The following MNDA variants were observed in gnomAD, a reference collection of about 807,000 sequenced individuals.
MNDA encodes myeloid cell nuclear differentiation antigen.
A neutral mutation model predicts 37.8 loss-of-function variants in MNDA; 43 were observed. The ratio of observed to expected loss-of-function variants is 1.14; its 90% confidence interval spans 0.89 to 1.47. The LOEUF (loss-of-function observed/expected upper bound fraction) is 1.47. Among genes scored for constraint, MNDA ranks in the 40% most tolerant of loss-of-function variants. MNDA has a pLI of 0.00. For synonymous variants in MNDA, 181 were observed against 169.0 expected, an observed-to-expected ratio of 1.07 and a Z score of -0.55; for missense variants, 536 against 476.0, an observed-to-expected ratio of 1.13 and a Z score of -1.17.
chr1:158,845,633 T>C lies in MNDA; in HGVS notation c.617T>C (p.Val206Ala). ...CGGCAGGTGGATGCAAGAAGAAATG[T>C]TCCCCAAAACGACCCAGTGACAGTG... ...AQRQVDARRN[V>A]PQNDPVTVVV... Residue 206 changes from valine to alanine, a missense_variant, in exon 5 of 7, where the codon GTT (valine) becomes GCT (alanine). By Grantham distance (64) the Val-to-Ala change is moderately conservative. Transcript: ENST00000368141. The C allele has an allele frequency of 6.2e-7, 1 of 1,613,724 alleles. No individual in the cohort carries two copies. The highest frequency in any genetic ancestry group is 8.5e-7 in the Non-Finnish European group (1 of 1,179,808).
intron 1 of MNDA, among the ~76,000 whole-genome samples, chr1:158,840,070 T>A (rs1002721678): frequency 5.9e-5 from 9 of 152,160 alleles, no homozygotes; most frequent in Admixed American, 5.9e-4. Context: ...TAGGGGGGGA[T>A]TTTAGAAAGA....
chr1:158,843,139 G>T (rs1659064673), intron 2 of MNDA, 140 bp from the exon 3 acceptor site: 13 of 1,033,218 alleles, frequency 1.3e-5, no homozygotes, highest in Non-Finnish European at 1.7e-5. Context: ...AGCCAGGCTG[G>T]GTTAATGCAG....
intron 4 of MNDA, 127 bp downstream of exon 4, chr1:158,844,249 A>G (rs1254926410): frequency 3.0e-6 from 3 of 1,000,028 alleles, no homozygotes; most frequent in East Asian, 2.6e-5. Context: ...ACTGTTTTCC[A>G]TATTATGATA....
At chr1:158,848,463 G>A (rs993478446) in intron 6 of MNDA, among the ~76,000 whole-genome samples, 1 of 152,022 alleles carries the variant, frequency 6.6e-6, no homozygotes, top group Non-Finnish European at 1.5e-5. Flanking sequence ...GTGTGACATA[G>A]CGTAATGAGT....
chr1:158,846,654 T>G (rs1227891443), intron 5 of MNDA, among the ~76,000 whole-genome samples: 1 of 152,230 alleles, frequency 6.6e-6, no homozygotes, highest in Non-Finnish European at 1.5e-5. Context: ...CACAGAGTTT[T>G]ATTGATATGT....
Position 158,838,049 on chromosome 1 carries a change from C to T in MNDA, c.-20-4085C>T, listed in dbSNP as rs181220381. 1.5e-3 allele frequency among the ~76,000 whole-genome samples: 225 copies of T among 151,852 alleles called. 1 individual carries two copies. The highest frequency in any genetic ancestry group is 2.8e-3 in the Non-Finnish European group (187 of 67,796). On this transcript the variant is annotated intron_variant, in intron 1 of 6. Coordinates refer to ENST00000368141, the MANE Select transcript of MNDA (RefSeq NM_002432.3). ...ACAAATTGCATTTATATAATATGTA[C>T]CAATTAACATTGATTTATAAATTGT...
chr1:158,833,493 C>G (rs1658846136), intron 1 of MNDA, among the ~76,000 whole-genome samples: 1 of 152,214 alleles, frequency 6.6e-6, no homozygotes, highest in South Asian at 2.1e-4. Flanking sequence ...ATTCCCCTTT[C>G]CTCCAGAGCT....
At chr1:158,841,561 T>G (rs967425061) in intron 1 of MNDA, among the ~76,000 whole-genome samples, 9 of 152,180 alleles carry the variant, frequency 5.9e-5, no homozygotes, top group African/African-American at 2.2e-4. Flanking sequence ...GAACAAGTTC[T>G]AAGCCCCAGG....
chr1:158,841,823 A>G (rs962122037), intron 1 of MNDA, among the ~76,000 whole-genome samples: 4 of 152,134 alleles, frequency 2.6e-5, no homozygotes, highest in Non-Finnish European at 5.9e-5. Context: ...CAGAAGAGGA[A>G]CCAGGGACTT....
chr1:158,841,241 A>G (rs1659023463), intron 1 of MNDA, among the ~76,000 whole-genome samples: 1 of 152,198 alleles, frequency 6.6e-6, no homozygotes, highest in Non-Finnish European at 1.5e-5. Flanking sequence ...AAGAAATTCA[A>G]AAGTAACAGA....
chr1:158,842,376 C>G lies in MNDA; in HGVS notation c.223C>G (p.Leu75Val), dbSNP rs774756701. The part of the protein sequence containing the change: ...LIELAKDMPS[L>V]KNLVNNLRKE... ...AGAACTTGCCAAAGATATGCCATCACTTAAAAACCTTGTTAACAATCTTCG... is the reference window on the plus strand; with the variant it reads ...AGAACTTGCCAAAGATATGCCATCAGTTAAAAACCTTGTTAACAATCTTCG... Residue 75 changes from leucine to valine, a missense_variant, in exon 2 of 7, where the codon CTT becomes GTT. Coordinates refer to ENST00000368141, the MANE Select transcript of MNDA (RefSeq NM_002432.3). 6.2e-7 allele frequency: 1 copy of G among 1,612,860 alleles called. No individual in the cohort carries two copies. Among genetic ancestry groups the G allele is most frequent in the South Asian group, 1.1e-5 (1 of 90,964 alleles).
intron 5 of MNDA, among the ~76,000 whole-genome samples, chr1:158,846,666 C>A (rs1354656538): frequency 6.6e-6 from 1 of 151,960 alleles, no homozygotes; most frequent in African/African-American, 2.4e-5. Context: ...TTGATATGTC[C>A]ATGTCCAAAT....
At chr1:158,836,141 TA>T (rs112966169) in intron 1 of MNDA, among the ~76,000 whole-genome samples, 1,825 of 150,206 alleles carry the variant, frequency 0.012, 34 homozygotes, top group African/African-American at 0.04. Context: ...TAGCATTTTG[TA>T]AAAAAAAAAT....
intron 6 of MNDA, among the ~76,000 whole-genome samples, chr1:158,848,750 A>C (rs1427345105): frequency 1.3e-5 from 2 of 152,134 alleles, no homozygotes; most frequent in African/African-American, 4.8e-5. Flanking sequence ...TATCTATTAG[A>C]AGTTGTGTGC....
intron 6 of MNDA, among the ~76,000 whole-genome samples, chr1:158,848,128 G>A (rs1439340398): frequency 1.3e-5 from 2 of 152,164 alleles, no homozygotes; most frequent in African/African-American, 4.8e-5. Flanking sequence ...CAATACTAGT[G>A]TTAATTGATT....
chr1:158,845,670 A>G lies in MNDA; in HGVS notation c.654A>G (p.Lys218=), dbSNP rs1314517381. ...QNDPVTVVVL[K]ATAPFKYESP... ...ACCCAGTGACAGTGGTGGTACTGAAAGCAACAGCGCCATTTAAATACGAGT... is the reference window on the plus strand; with the variant it reads ...ACCCAGTGACAGTGGTGGTACTGAAGGCAACAGCGCCATTTAAATACGAGT... Residue 218 remains lysine (K), a synonymous_variant, in exon 5 of 7, where the codon AAA becomes AAG. Transcript: ENST00000368141. 3.1e-6 allele frequency: 5 copies of G among 1,614,188 alleles called. No individual in the cohort carries two copies. Among genetic ancestry groups the G allele is most frequent in the Non-Finnish European group, 4.2e-6 (5 of 1,179,994 alleles).
rs768544886 is a variant in MNDA at position 158,844,084 on chromosome 1, A to G, written c.532A>G (p.Thr178Ala). Reference sequence around the variant, plus strand: ...TGTGGATCATCCCCCACTACCCCAGACCTCATCATCAACTCCATCCAACAC... The same window carrying G: ...TGTGGATCATCCCCCACTACCCCAGGCCTCATCATCAACTCCATCCAACAC... ...AAVDHPPLPQTSSSTPSNTSF... is the reference protein window; with the variant it reads ...AAVDHPPLPQASSSTPSNTSF... The change falls in exon 4 of 7, where the codon ACC becomes GCC. Residue 178 changes from threonine (T) to alanine (A), a missense_variant. By Grantham distance (58) the Thr-to-Ala change is moderately conservative. Transcript: ENST00000368141. 3 of 1,605,712 alleles carry G rather than the reference A, an allele frequency of 1.9e-6. No homozygotes were observed. Among genetic ancestry groups the G allele is most frequent in the Non-Finnish European group, 8.5e-7 (1 of 1,177,012 alleles).
intron 5 of MNDA, 113 bp downstream of exon 5, chr1:158,846,116 A>C: frequency 1.9e-6 from 2 of 1,025,740 alleles, no homozygotes; most frequent in Non-Finnish European, 1.4e-6. Flanking sequence ...TTGACTAGAG[A>C]TAGTGATGAA....
intron 1 of MNDA, among the ~76,000 whole-genome samples, chr1:158,838,940 T>A (rs1658974972): frequency 1.3e-5 from 2 of 152,202 alleles, no homozygotes; most frequent in Non-Finnish European, 2.9e-5. Context: ...TGGTAATTTC[T>A]ATTTTTTGTC....
Sources: allele counts gnomAD v4.1 joint callset (sites outside exome capture counted in the v4.1 genomes callset), GRCh38; gene constraint gnomAD v4.1.1; transcripts MANE v1.5; gene names NCBI Gene and HGNC (gene_info 2026-07-23, HGNC 2026-07-21).